Variants in ARMH1 observed in about 807,000 individuals in gnomAD.
The protein encoded by ARMH1 is armadillo like helical domain containing 1.
In ARMH1, 34 loss-of-function variants were observed where a neutral mutation model predicts 50.2. The observed-to-expected ratio is 0.68, with a 90% CI of 0.51 to 0.90. The LOEUF (loss-of-function observed/expected upper bound fraction) is 0.90, where lower values mean the gene tolerates loss of function less well. ARMH1 is among the 40% of genes least tolerant of loss of function. ARMH1 has a pLI of 0.00. For synonymous variants in ARMH1, 221 were observed against 224.2 expected, an observed-to-expected ratio of 0.99 and a Z score of 0.13; for missense variants, 538 against 553.9, an observed-to-expected ratio of 0.97 and a Z score of 0.29.
chr1:44,709,957 AC>A (rs1252805401), intron 6 of ARMH1, among the ~76,000 whole-genome samples: 2 of 152,156 alleles, frequency 1.3e-5, no homozygotes, highest in African/African-American at 4.8e-5. Context: ...TGTCTACTTG[AC>A]CTAGAACCTG....
intron 6 of ARMH1, among the ~76,000 whole-genome samples, chr1:44,720,763 T>C (rs961409827): frequency 2.0e-5 from 3 of 152,038 alleles, no homozygotes; most frequent in African/African-American, 4.8e-5. Flanking sequence ...AGGCCGGGCG[T>C]GGTGGCTCAC....
At chr1:44,687,872 C>G (rs1302705092) in intron 1 of ARMH1, among the ~76,000 whole-genome samples, 1 of 152,174 alleles carries the variant, frequency 6.6e-6, no homozygotes, top group Non-Finnish European at 1.5e-5. Context: ...CCGTAATGTG[C>G]CCTGCTTAGA....
chr1:44,694,091 T>A (rs2148630140), intron 2 of ARMH1, among the ~76,000 whole-genome samples: 1 of 152,350 alleles, frequency 6.6e-6, no homozygotes, highest in South Asian at 2.1e-4. Context: ...CAAGTGCCAA[T>A]CATAGTGCCT....
In ARMH1 at chr1:44,689,769, C is replaced by T; in HGVS notation, c.72C>T (p.Gly24=). ...TTTTACAGGAGTGGGACAACGCTGG[C>T]AAAGTCGCAAGGAGTCACATCCTCG... ...LSFLQEWDNA[G]KVARSHILDK... Residue 24 remains glycine, a synonymous_variant, in exon 2 of 12, where the codon GGC becomes GGT. Coordinates refer to ENST00000535358, the MANE Select transcript of ARMH1 (RefSeq NM_001145636.2). The T allele has an allele frequency of 6.4e-7, 1 of 1,552,004 alleles. No homozygotes were observed. The highest frequency in any genetic ancestry group is 8.7e-7 in the Non-Finnish European group (1 of 1,147,068).
chr1:44,694,572 C>T (rs1350259817), intron 2 of ARMH1, among the ~76,000 whole-genome samples: 3 of 141,608 alleles, frequency 2.1e-5, no homozygotes, highest in African/African-American at 8.0e-5. Flanking sequence ...TGCAGTGGTG[C>T]AATCTCGGCT....
intron 1 of ARMH1, among the ~76,000 whole-genome samples, chr1:44,679,538 A>T (rs2148565091): frequency 6.6e-6 from 1 of 152,370 alleles, no homozygotes; most frequent in Admixed American, 6.5e-5. Context: ...GCTAAATAAC[A>T]TTATGGTTTA....
In ARMH1 at chr1:44,725,489, C is replaced by A; in HGVS notation, c.*86C>A. On this transcript the variant is annotated 3_prime_UTR_variant, in exon 12 of 12. Coordinates refer to ENST00000535358, the MANE Select transcript of ARMH1 (RefSeq NM_001145636.2). ...AGGCGCCTGGGGTCAAGCTCAGAGC[C>A]ACTCCACTTGGCTCCAGGGGGGAGA... The A allele has an allele frequency of 7.4e-7, 1 of 1,353,256 alleles. No individual in the cohort carries two copies. The highest frequency in any genetic ancestry group is 1.0e-6 in the Non-Finnish European group (1 of 971,864). The allele number at this position is 1,353,256 out of a possible 1,614,324, so 83.8% of individuals were successfully genotyped here. A position where few individuals can be genotyped will look rare whatever the true frequency, so the allele number is the denominator to read the frequency against.
chr1:44,696,855 G>A (rs936764661), intron 2 of ARMH1, among the ~76,000 whole-genome samples: 2 of 152,176 alleles, frequency 1.3e-5, no homozygotes, highest in South Asian at 2.1e-4. Flanking sequence ...TAGAAAGCCT[G>A]TAAGAGCCAA....
chr1:44,702,793 A>T (rs1646150106), intron 5 of ARMH1, among the ~76,000 whole-genome samples: 1 of 152,180 alleles, frequency 6.6e-6, no homozygotes, highest in African/African-American at 2.4e-5. Context: ...TGGAAAATCA[A>T]GGGAAAAGAG....
chr1:44,721,509 CT>C (rs202056123), intron 6 of ARMH1, among the ~76,000 whole-genome samples: 7 of 149,578 alleles, frequency 4.7e-5, no homozygotes, highest in African/African-American at 9.8e-5. Flanking sequence ...ACTAGGTTTT[CT>C]TTTAAAAAAA....
At chr1:44,690,597 C>T (rs1645629538) in intron 2 of ARMH1, among the ~76,000 whole-genome samples, 1 of 152,148 alleles carries the variant, frequency 6.6e-6, no homozygotes, top group South Asian at 2.1e-4. Flanking sequence ...ATCTCTTCTA[C>T]TTTAAAAAAT....
In ARMH1 at chr1:44,724,414, G is replaced by C; in HGVS notation, c.920+22G>C. ...TCGGGTAAGCGGGCAGGGGTTAGTGGGTAGCTGCAGCAAGCCTGGCTTGGC... is the reference window on the plus strand; with the variant it reads ...TCGGGTAAGCGGGCAGGGGTTAGTGCGTAGCTGCAGCAAGCCTGGCTTGGC... On this transcript the variant is annotated intron_variant, in intron 8 of 11. Coordinates refer to ENST00000535358, the MANE Select transcript of ARMH1 (RefSeq NM_001145636.2). The surrounding 1 kb of genome is among the most constrained non-coding windows in gnomAD (Gnocchi z 6.4). 6.5e-7 allele frequency: 1 copy of C among 1,546,362 alleles called. No homozygotes were observed. Among genetic ancestry groups the C allele is most frequent in the Non-Finnish European group, 8.7e-7 (1 of 1,145,972 alleles).
intron 2 of ARMH1, among the ~76,000 whole-genome samples, chr1:44,691,398 T>G (rs182534838): frequency 1.3e-5 from 2 of 152,248 alleles, no homozygotes; most frequent in African/African-American, 4.8e-5. Flanking sequence ...AGGTTACCCA[T>G]GTTTTTCCAG....
rs539440579 is a variant in ARMH1 at position 44,711,056 on chromosome 1, C to T, written c.724+6883C>T. On this transcript the variant is annotated intron_variant, in intron 6 of 11. Coordinates refer to ENST00000535358, the MANE Select transcript of ARMH1 (RefSeq NM_001145636.2). ...TCCTTTTTGTGGATGAATAATATTC[C>T]GTTGTATGTATCTACCACAATTTGT... Among the ~76,000 whole-genome samples, 5 of 152,282 alleles carry T rather than the reference C, an allele frequency of 3.3e-5. No individual in the cohort carries two copies. The South Asian group carries it at 6.2e-4, about 19-fold the overall frequency.
Position 44,697,145 on chromosome 1 carries a change from G to T in ARMH1, c.250G>T (p.Gly84Cys), listed in dbSNP as rs1466013389. 6.4e-7 allele frequency: 1 copy of T among 1,551,876 alleles called. No individual in the cohort carries two copies. The highest frequency in any genetic ancestry group is 8.7e-7 in the Non-Finnish European group (1 of 1,146,934). The change falls in exon 3 of 12, where the codon GGC becomes TGC. Residue 84 changes from glycine (G) to cysteine (C), a missense_variant. Physicochemically the swap from Gly to Cys is radical, Grantham distance 159 (BLOSUM62 -3). Transcript: ENST00000535358. ...SCLEKLLRSIGIFLSAVSSNR... is the reference protein window; with the variant it reads ...SCLEKLLRSICIFLSAVSSNR... ...TTTAGAAAAGCTTCTCAGGTCCATT[G>T]GCATCTTCTTATCAGCTGTAAGCAG...
chr1:44,724,963 G>C lies in ARMH1; in HGVS notation c.1128+124G>C, dbSNP rs1573531214. The C allele has an allele frequency of 5.4e-5, 81 of 1,498,490 alleles. No individual in the cohort carries two copies. The South Asian group carries it at 9.2e-4, about 17-fold the overall frequency. 92.8% of individuals were successfully genotyped at this position (1,498,490 alleles called of 1,614,324 possible). ...AGAGTGGACCTGGCCACCAGCTGCA[G>C]GAGGGACTGCTCTGGCGTAGGCTCC... On this transcript the variant is annotated intron_variant, in intron 10 of 11. Coordinates refer to ENST00000535358, the MANE Select transcript of ARMH1 (RefSeq NM_001145636.2). This position sits in a 1 kb window ranked among gnomAD's most constrained non-coding sequence, Gnocchi z 6.4.
intron 6 of ARMH1, among the ~76,000 whole-genome samples, chr1:44,719,025 GAAAA>G (rs35822364): frequency 5.2e-4 from 41 of 78,626 alleles, no homozygotes; most frequent in Non-Finnish European, 1.7e-4. Flanking sequence ...AACTGTCTCG[GAAAA>G]AAAAAAAAAA....
chr1:44,711,254 T>C (rs999198207), intron 6 of ARMH1, among the ~76,000 whole-genome samples: 2 of 152,242 alleles, frequency 1.3e-5, no homozygotes, highest in Non-Finnish European at 2.9e-5. Flanking sequence ...GTTTAACTCG[T>C]TGAGGAACCC....
In ARMH1 at chr1:44,724,780, C is replaced by A. The variant is rs1280662226; in HGVS notation, c.1069C>A (p.Pro357Thr). ...GGCGCAGTGCTTCGTGCAGATGTTC[C>A]CCTTGGTGGCGGAGCACGTGCGCAA... ...LTLECFVQMF[P>T]LVAEHVRKCM... Residue 357 changes from proline to threonine, a missense_variant, in exon 10 of 12, where the codon CCC (proline) becomes ACC (threonine). Coordinates refer to ENST00000535358, the MANE Select transcript of ARMH1 (RefSeq NM_001145636.2). The surrounding 1 kb of genome is among the most constrained non-coding windows in gnomAD (Gnocchi z 6.4). 2.9e-5 allele frequency: 45 copies of A among 1,544,062 alleles called. No homozygotes were observed. Among genetic ancestry groups the A allele is most frequent in the Non-Finnish European group, 3.9e-5 (45 of 1,146,748 alleles).
Sources: allele counts gnomAD v4.1 joint callset (sites outside exome capture counted in the v4.1 genomes callset), GRCh38; gene constraint gnomAD v4.1.1; non-coding constraint Gnocchi (gnomAD v3.1); transcripts MANE v1.5; gene names NCBI Gene and HGNC (gene_info 2026-07-23, HGNC 2026-07-21).